Variants in OR7A17 observed in about 807,000 individuals in gnomAD.
OR7A17 encodes olfactory receptor family 7 subfamily A member 17, also known as olfactory receptor 7A17.
For synonymous variants in OR7A17, 159 were observed against 142.1 expected, an observed-to-expected ratio of 1.12 and a Z score of -0.85; for missense variants, 366 against 365.5, an observed-to-expected ratio of 1.00 and a Z score of -0.01.
Position 14,881,854 on chromosome 19 carries a change from T to A in OR7A17, c.-277A>T, listed in dbSNP as rs2045114090. On this transcript the variant is annotated 5_prime_UTR_variant, in exon 2 of 3. It removes an upstream start codon present in the reference 5' UTR. Coordinates refer to ENST00000641113, the MANE Select transcript of OR7A17 (RefSeq NM_030901.2). The stretch of plus-strand genomic sequence containing the variant: ...TTTCCAATAATTCAATATATCATCA[T>A]GAACTATATTCACCATGCTGTAAAA... 1 of 152,300 alleles carries A rather than the reference T, an allele frequency of 6.6e-6. No individual in the cohort carries two copies. Among genetic ancestry groups the A allele is most frequent in the African/African-American group, 2.4e-5 (1 of 41,448 alleles). 9.4% of individuals were successfully genotyped at this position (152,300 alleles called of 1,614,324 possible).
At chr19:14,882,811 G>GCACACA (rs141239558) in intron 1 of OR7A17, among the ~76,000 whole-genome samples, 1 of 151,696 alleles carries the variant, frequency 6.6e-6, no homozygotes, top group African/African-American at 2.4e-5. Context: ...GTGCGCGCAC[G>GCACACA]CACACACACA....
At position 14,878,503 on chromosome 19, in the gene OR7A17, A is replaced by T. The variant is rs948708064; in HGVS notation, c.*1923T>A. ...TAAGCAGGACAACAGAAGGAGTCTT[A>T]TTTGTGTGTAGCACTGTAAATTTTT... On this transcript the variant is annotated 3_prime_UTR_variant, in exon 3 of 3. Coordinates refer to ENST00000641113, the MANE Select transcript of OR7A17 (RefSeq NM_030901.2). 6.6e-6 allele frequency: 1 copy of T among 152,244 alleles called. No individual in the cohort carries two copies. The highest frequency in any genetic ancestry group is 6.5e-5 in the Admixed American group (1 of 15,294). 9.4% of individuals were successfully genotyped at this position (152,244 alleles called of 1,614,324 possible).
rs183601563 is a variant in OR7A17 at position 14,883,698 on chromosome 19, G to A, written c.-294-1827C>T. 3.5e-4 allele frequency among the ~76,000 whole-genome samples: 54 copies of A among 152,190 alleles called. No individual in the cohort carries two copies. In the East Asian group the frequency reaches 9.5e-3, roughly 27 times the overall value. ...GAAAAAAATTAAAGCAATGAGACGT[G>A]ATAAAATAAAAAGAATGTTATGGGA... On this transcript the variant is annotated intron_variant, in intron 1 of 2. Transcript: ENST00000641113.
chr19:14,882,257 C>T (rs575281385), intron 1 of OR7A17, among the ~76,000 whole-genome samples: 4 of 152,172 alleles, frequency 2.6e-5, no homozygotes, highest in African/African-American at 4.8e-5. Flanking sequence ...AATCAAATAA[C>T]GGGAACAAAT....
Position 14,878,226 on chromosome 19 carries a change from G to A in OR7A17, c.*2200C>T, listed in dbSNP as rs775377291. 1 of 152,128 alleles carries A rather than the reference G, an allele frequency of 6.6e-6. No individual in the cohort carries two copies. The highest frequency in any genetic ancestry group is 1.5e-5 in the Non-Finnish European group (1 of 68,024). 9.4% of individuals were successfully genotyped at this position (152,128 alleles called of 1,614,324 possible). On this transcript the variant is annotated 3_prime_UTR_variant, in exon 3 of 3. Transcript: ENST00000641113. Reference sequence around the variant, plus strand: ...GACTACCTATTAGATTCCCTTCTAGGGAGCTAGAATATTTTGAAAGAACGT... The same window carrying A: ...GACTACCTATTAGATTCCCTTCTAGAGAGCTAGAATATTTTGAAAGAACGT...
chr19:14,880,345 C>T lies in OR7A17; in HGVS notation c.*81G>A. 1 of 1,271,972 alleles carries T rather than the reference C, an allele frequency of 7.9e-7. No individual in the cohort carries two copies. The highest frequency in any genetic ancestry group is 1.1e-6 in the Non-Finnish European group (1 of 921,296). 78.8% of individuals were successfully genotyped at this position (1,271,972 alleles called of 1,614,324 possible). A position where few individuals can be genotyped will look rare whatever the true frequency, so the allele number is the denominator to read the frequency against. The stretch of plus-strand genomic sequence containing the variant: ...ATAGAAGGAGCAAATTCCACTTTCA[C>T]AACCTGATTCGTGAATCACAATTTC... On this transcript the variant is annotated 3_prime_UTR_variant, in exon 3 of 3. Transcript: ENST00000641113.
At position 14,880,557 on chromosome 19, in the gene OR7A17, T is replaced by G; in HGVS notation, c.799A>C (p.Asn267His). The stretch of plus-strand genomic sequence containing the variant: ...GAGGCTGTTGCACTTGTGTGTGAGT[T>G]GTGGGTTGCAGCAGAAGTAAGGTAC... ...GVYLTSAATH[N>H]SHTSATASVM... Residue 267 changes from asparagine to histidine, a missense_variant, in exon 3 of 3, where the codon AAC becomes CAC. By Grantham distance (68) the Asn-to-His change is moderately conservative (BLOSUM62 1). Coordinates refer to ENST00000641113, the MANE Select transcript of OR7A17 (RefSeq NM_030901.2). 3.1e-6 allele frequency: 5 copies of G among 1,614,020 alleles called. No homozygotes were observed. Among genetic ancestry groups the G allele is most frequent in the Non-Finnish European group, 4.2e-6 (5 of 1,180,008 alleles).
rs1277526542 is a variant in OR7A17 at position 14,880,735 on chromosome 19, A to G, written c.621T>C (p.Ala207=). ...MGMYFAAGLL[A]GGPLVGILCS... Reference sequence around the variant, plus strand: ...AAAGGATCCCCACAAGGGGACCACCAGCCAGCAGCCCTGCTGCAAAATACA... The same window carrying G: ...AAAGGATCCCCACAAGGGGACCACCGGCCAGCAGCCCTGCTGCAAAATACA... Residue 207 remains alanine (A), a synonymous_variant, in exon 3 of 3, where the codon GCT becomes GCC. Coordinates refer to ENST00000641113, the MANE Select transcript of OR7A17 (RefSeq NM_030901.2). The G allele has an allele frequency of 8.1e-6, 13 of 1,614,142 alleles. No homozygotes were observed. The highest frequency in any genetic ancestry group is 1.0e-5 in the Non-Finnish European group (12 of 1,180,056).
In OR7A17 at chr19:14,879,804, A is replaced by C. The variant is rs543064605; in HGVS notation, c.*622T>G. ...CCGGGCATGGTGGTACATGCCTGTA[A>C]TCCCAGCTCCTTGGGAGGCTGAGGC... On this transcript the variant is annotated 3_prime_UTR_variant, in exon 3 of 3. Coordinates refer to ENST00000641113, the MANE Select transcript of OR7A17 (RefSeq NM_030901.2). 2 of 152,502 alleles carry C rather than the reference A, an allele frequency of 1.3e-5. No homozygotes were observed. The highest frequency in any genetic ancestry group is 2.9e-5 in the Non-Finnish European group (2 of 68,342). 9.4% of individuals were successfully genotyped at this position (152,502 alleles called of 1,614,324 possible).
rs948841474 is a variant in OR7A17, at chr19:14,878,250, G to A, written c.*2176C>T. ...GGGAGCTAGAATATTTTGAAAGAAC[G>A]TGTATGTATTTGTAGATATAAATTG... On this transcript the variant is annotated 3_prime_UTR_variant, in exon 3 of 3. Transcript: ENST00000641113. The A allele has an allele frequency of 6.6e-6, 1 of 152,172 alleles. No individual in the cohort carries two copies. Among genetic ancestry groups the A allele is most frequent in the Non-Finnish European group, 1.5e-5 (1 of 68,034 alleles). 9.4% of individuals were successfully genotyped at this position (152,172 alleles called of 1,614,324 possible). A position where few individuals can be genotyped will look rare whatever the true frequency, so the allele number is the denominator to read the frequency against.
At chr19:14,882,705 G>A (rs760360216) in intron 1 of OR7A17, among the ~76,000 whole-genome samples, 10 of 152,016 alleles carry the variant, frequency 6.6e-5, no homozygotes, top group East Asian at 1.9e-4. Flanking sequence ...TTTTCCCGCC[G>A]TGTCTTTGAC....
chr19:14,884,990 G>A (rs2045129539), intron 1 of OR7A17, among the ~76,000 whole-genome samples: 1 of 152,274 alleles, frequency 6.6e-6, no homozygotes, highest in East Asian at 1.9e-4. Flanking sequence ...ATCAATAAAT[G>A]TAATCCATCA....
rs766365908 is a variant in OR7A17 at position 14,881,229 on chromosome 19, G to A, written c.127C>T (p.Leu43=). The A allele has an allele frequency of 5.0e-6, 8 of 1,614,008 alleles. No homozygotes were observed. In the East Asian group the frequency reaches 1.8e-4, roughly 36 times the overall value. ...SMYLVTVLGN[L]LIILATISDS... ...GAGATTGTGGCCAGGATGATGAGCA[G>A]ATTCCCGAGCACAGTGACCAGGTAC... is the stretch of plus-strand genomic sequence containing the variant. Residue 43 remains leucine (L), a synonymous_variant, in exon 3 of 3, where the codon CTG becomes TTG. Transcript: ENST00000641113.
Position 14,880,236 on chromosome 19 carries a change from A to T in OR7A17, c.*190T>A. The T allele has an allele frequency of 6.5e-6, 2 of 307,930 alleles. No individual in the cohort carries two copies. Among genetic ancestry groups the T allele is most frequent in the Non-Finnish European group, 5.8e-6 (1 of 172,630 alleles). The allele number at this position is 307,930 out of a possible 1,614,324, so 19.1% of individuals were successfully genotyped here. A position where few individuals can be genotyped will look rare whatever the true frequency, so the allele number is the denominator to read the frequency against. ...AAAAAAAAAAAAAAAAAAAGATTGGATATCAGAGAGCGGAAAGCTTTATAA... is the reference window on the plus strand; with the variant it reads ...AAAAAAAAAAAAAAAAAAAGATTGGTTATCAGAGAGCGGAAAGCTTTATAA... On this transcript the variant is annotated 3_prime_UTR_variant, in exon 3 of 3. Coordinates refer to ENST00000641113, the MANE Select transcript of OR7A17 (RefSeq NM_030901.2).
Position 14,880,780 on chromosome 19 carries a change from G to T in OR7A17, c.576C>A (p.Thr192=), listed in dbSNP as rs754518121. ...AATACATCCCCATGTCATTAAGAAA[G>T]GTGTCAGAACAGGCAAGGTGGATGA... is the stretch of plus-strand genomic sequence containing the variant. ...NQVIHLACSD[T]FLNDMGMYFA... Residue 192 remains threonine (T), a synonymous_variant, in exon 3 of 3, where the codon ACC becomes ACA. Coordinates refer to ENST00000641113, the MANE Select transcript of OR7A17 (RefSeq NM_030901.2). The T allele has an allele frequency of 6.2e-7, 1 of 1,614,066 alleles. No homozygotes were observed. The highest frequency in any genetic ancestry group is 8.5e-7 in the Non-Finnish European group (1 of 1,180,034).
chr19:14,882,020 A>G (rs2045114981), intron 1 of OR7A17, 149 bp from the exon 2 acceptor site: 1 of 151,882 alleles, frequency 6.6e-6, no homozygotes, highest in African/African-American at 2.4e-5. Context: ...TTTGTGTGTA[A>G]ATCTGGTCCC....
intron 1 of OR7A17, chr19:14,884,815 C>T (rs755182588): frequency 6.6e-6 from 1 of 151,806 alleles, no homozygotes; most frequent in Non-Finnish European, 1.5e-5. Context: ...GGCAGAGACA[C>T]AACAAAAAAA....
chr19:14,880,308 C>A lies in OR7A17; in HGVS notation c.*118G>T. 1 of 761,728 alleles carries A rather than the reference C, an allele frequency of 1.3e-6. No individual in the cohort carries two copies. 47.2% of individuals were successfully genotyped at this position (761,728 alleles called of 1,614,324 possible). A position where few individuals can be genotyped will look rare whatever the true frequency, so the allele number is the denominator to read the frequency against. ...TCAGTTGAGATCAAAGAAATTGAAACTCTGAGAAAAAATAGAAGGAGCAAA... is the reference window on the plus strand; with the variant it reads ...TCAGTTGAGATCAAAGAAATTGAAAATCTGAGAAAAAATAGAAGGAGCAAA... On this transcript the variant is annotated 3_prime_UTR_variant, in exon 3 of 3. Transcript: ENST00000641113.
chr19:14,880,209 CAAAAAAA>C lies in OR7A17; in HGVS notation c.*210_*216del, dbSNP rs3030635. On this transcript the variant is annotated 3_prime_UTR_variant, in exon 3 of 3. Transcript: ENST00000641113. ...AAACATTGGGAAAGTAGGAAAATGA[CAAAAAAA>C]AAAAAAAAAAAAAGATTGGATATCA... 0.095 allele frequency: 16,366 copies of C among 172,052 alleles called. 687 individuals are homozygous for C. Among genetic ancestry groups the C allele is most frequent in the African/African-American group, 0.17 (6,112 of 35,210 alleles). The allele number at this position is 172,052 out of a possible 1,614,324, so 10.7% of individuals were successfully genotyped here.
Sources: allele counts gnomAD v4.1 joint callset (sites outside exome capture counted in the v4.1 genomes callset), GRCh38; gene constraint gnomAD v4.1.1; transcripts MANE v1.5; gene names NCBI Gene and HGNC (gene_info 2026-07-23, HGNC 2026-07-21).